The following IL6R variants were observed in gnomAD, a reference collection of about 807,000 sequenced individuals.
The protein encoded by IL6R is interleukin 6 receptor.
In IL6R, 38 loss-of-function variants were observed where a neutral mutation model predicts 48.3. The ratio of observed to expected loss-of-function variants is 0.79; its 90% confidence interval spans 0.61 to 1.03. IL6R has a LOEUF of 1.03. Among genes scored for constraint, IL6R ranks in the 50% least tolerant of loss-of-function variants. The pLI is 0.00. For synonymous variants in IL6R, 264 were observed against 256.2 expected, an observed-to-expected ratio of 1.03 and a Z score of -0.29; for missense variants, 534 against 618.3, an observed-to-expected ratio of 0.86 and a Z score of 1.45.
intron 8 of IL6R, among the ~76,000 whole-genome samples, chr1:154,452,861 C>T (rs539562282): frequency 1.6e-3 from 246 of 151,554 alleles, no homozygotes; most frequent in Non-Finnish European, 2.7e-3. Flanking sequence ...ATGTAAGATC[C>T]ATTTAGATAC....
intron 9 of IL6R, among the ~76,000 whole-genome samples, chr1:154,455,827 C>A (rs997990589): frequency 7.3e-5 from 11 of 151,138 alleles, no homozygotes; most frequent in Non-Finnish European, 1.3e-4. Flanking sequence ...GAGGCTGAGG[C>A]AGGTGGATCA....
chr1:154,429,475 G>T (rs377635182), intron 2 of IL6R, 31 bp downstream of exon 2: 3 of 1,588,034 alleles, frequency 1.9e-6, no homozygotes, highest in Non-Finnish European at 2.6e-6. Context: ...CCCGGAGATA[G>T]TTCCCGTAAG....
At chr1:154,434,292 C>G (rs1334928045) in intron 3 of IL6R, among the ~76,000 whole-genome samples, 1 of 152,086 alleles carries the variant, frequency 6.6e-6, no homozygotes, top group Non-Finnish European at 1.5e-5. Context: ...GCCTGGGTGA[C>G]ACAGTGAGAC....
In IL6R at chr1:154,418,232, T is replaced by C. The variant is rs142528994; in HGVS notation, c.86-10964T>C. 3.9e-3 allele frequency among the ~76,000 whole-genome samples: 598 copies of C among 152,328 alleles called. 3 individuals are homozygous for C. The highest frequency in any genetic ancestry group is 0.014 in the Middle Eastern group (4 of 294). On this transcript the variant is annotated intron_variant, in intron 1 of 9. Transcript: ENST00000368485. ...AGAGTTGACCCAGGTTGTACCTTCT[T>C]GGACTGGAGCCAGGTGGTTATCTCT...
At chr1:154,440,655 CTTT>C (rs35390021) in intron 6 of IL6R, among the ~76,000 whole-genome samples, 3 of 134,958 alleles carry the variant, frequency 2.2e-5, no homozygotes, top group African/African-American at 2.7e-5. Context: ...TGATTAATGT[CTTT>C]TTTTTTTTTT....
chr1:154,468,795 T>A lies in IL6R; in HGVS notation c.*3415T>A, dbSNP rs1691664466. ...GTTCAGGAATGTCTTCCCAGCTGCT[T>A]TGGTGCTGAGCTCTATTATCTCACA... On this transcript the variant is annotated 3_prime_UTR_variant, in exon 10 of 10. Transcript: ENST00000368485. 6.6e-6 allele frequency: 1 copy of A among 152,304 alleles called. No individual in the cohort carries two copies. The highest frequency in any genetic ancestry group is 6.5e-5 in the Admixed American group (1 of 15,290). 9.4% of individuals were successfully genotyped at this position (152,304 alleles called of 1,614,324 possible). A position where few individuals can be genotyped will look rare whatever the true frequency, so the allele number is the denominator to read the frequency against.
intron 6 of IL6R, among the ~76,000 whole-genome samples, chr1:154,436,722 G>A (rs1172032271): frequency 6.6e-6 from 1 of 152,214 alleles, no homozygotes; most frequent in South Asian, 2.1e-4. Context: ...AGGGCAGGCG[G>A]GTGGGGATCC....
chr1:154,444,577 A>G (rs1444273095), intron 6 of IL6R, among the ~76,000 whole-genome samples: 1 of 152,156 alleles, frequency 6.6e-6, no homozygotes, highest in East Asian at 1.9e-4. Flanking sequence ...AACTATTAGC[A>G]TTTACCATCA....
intron 8 of IL6R, 24 bp downstream of exon 8, chr1:154,450,004 T>A: frequency 6.9e-7 from 1 of 1,453,976 alleles, no homozygotes; most frequent in Non-Finnish European, 9.7e-7. Context: ...ATTTTCATAT[T>A]CCCAGGGTCC....
In IL6R at chr1:154,405,529, G is replaced by GCACC; in HGVS notation, c.-100_-99insACCC. On this transcript the variant is annotated 5_prime_UTR_variant, in exon 1 of 10. Coordinates refer to ENST00000368485, the MANE Select transcript of IL6R (RefSeq NM_000565.4). This position sits in a 1 kb window ranked among gnomAD's most constrained non-coding sequence, Gnocchi z 5.2. ...CTGCCCCCGGGGCCTGAGCCCGCCTGCCCGCCCACCGCCCCGCCCCGCCCC... is the reference window on the plus strand; with the variant it reads ...CTGCCCCCGGGGCCTGAGCCCGCCTGCACCCCCGCCCACCGCCCCGCCCCGCCCC... The GCACC allele has an allele frequency of 2.6e-6, 1 of 388,508 alleles. No individual in the cohort carries two copies. Among genetic ancestry groups the GCACC allele is most frequent in the South Asian group, 2.4e-5 (1 of 40,874 alleles). 24.1% of individuals were successfully genotyped at this position (388,508 alleles called of 1,614,324 possible).
At chr1:154,431,293 C>T (rs1402893540) in intron 3 of IL6R, among the ~76,000 whole-genome samples, 1 of 152,160 alleles carries the variant, frequency 6.6e-6, no homozygotes, top group Non-Finnish European at 1.5e-5. Context: ...TGCAGTTTTG[C>T]TGGTCTCCAT....
At chr1:154,457,888 G>A (rs1008582410) in intron 9 of IL6R, among the ~76,000 whole-genome samples, 2 of 152,134 alleles carry the variant, frequency 1.3e-5, no homozygotes, top group Admixed American at 1.3e-4. Flanking sequence ...AGTGTGGTGT[G>A]GGTTGAAAGA....
chr1:154,423,748 T>C (rs948987419), intron 1 of IL6R, among the ~76,000 whole-genome samples: 2 of 152,150 alleles, frequency 1.3e-5, no homozygotes, highest in Non-Finnish European at 1.5e-5. Flanking sequence ...TTTTAAAAAA[T>C]AGTGACTCAG....
chr1:154,445,707 G>A (rs978479141), intron 6 of IL6R, among the ~76,000 whole-genome samples: 3 of 149,282 alleles, frequency 2.0e-5, no homozygotes, highest in South Asian at 2.1e-4. Context: ...CTGAGTTTGC[G>A]CCACAGCACT....
intron 6 of IL6R, among the ~76,000 whole-genome samples, chr1:154,440,781 G>A (rs184374852): frequency 4.6e-5 from 7 of 150,950 alleles, no homozygotes; most frequent in East Asian, 2.0e-4. Flanking sequence ...TCAGCCTCCC[G>A]AGTAGTTGAG....
chr1:154,410,253 CTT>C (rs140751039), intron 1 of IL6R, among the ~76,000 whole-genome samples: 24 of 143,836 alleles, frequency 1.7e-4, no homozygotes, highest in Non-Finnish European at 1.5e-4. Context: ...AAGAAAAGGC[CTT>C]TTTTTTTTTT....
In IL6R at chr1:154,405,474, T is replaced by G; in HGVS notation, c.-156T>G. On this transcript the variant is annotated 5_prime_UTR_variant, in exon 1 of 10. Coordinates refer to ENST00000368485, the MANE Select transcript of IL6R (RefSeq NM_000565.4). This position sits in a 1 kb window ranked among gnomAD's most constrained non-coding sequence, Gnocchi z 5.2. ...GCGGGGCCGAGGGACTCGCAGTGTGTGTAGAGAGCCGGGCTCCTGCGGATG... is the reference window on the plus strand; with the variant it reads ...GCGGGGCCGAGGGACTCGCAGTGTGGGTAGAGAGCCGGGCTCCTGCGGATG... 1.6e-6 allele frequency: 1 copy of G among 638,614 alleles called. No homozygotes were observed. The allele number at this position is 638,614 out of a possible 1,614,324, so 39.6% of individuals were successfully genotyped here.
Position 154,456,447 on chromosome 1 carries a change from TC to T in IL6R, c.1160+1868del, listed in dbSNP as rs1571005407. On this transcript the variant is annotated intron_variant, in intron 9 of 9. Coordinates refer to ENST00000368485, the MANE Select transcript of IL6R (RefSeq NM_000565.4). The stretch of plus-strand genomic sequence containing the variant: ...GTCTTGATCTCCTGACCTCAGATGA[TC>T]CGCCCGCCTCCGCCTCCCAAAGTGC... 2.0e-5 allele frequency among the ~76,000 whole-genome samples: 3 copies of T among 152,228 alleles called. No homozygotes were observed. In the East Asian group the frequency reaches 5.8e-4, roughly 29 times the overall value.
chr1:154,432,685 C>T (rs1356899120), intron 3 of IL6R, among the ~76,000 whole-genome samples: 3 of 152,202 alleles, frequency 2.0e-5, no homozygotes, highest in Admixed American at 6.5e-5. Context: ...ATGTTGACAG[C>T]GGGAGTGGGA....
Sources: gnomAD v4.1 joint callset for allele counts (sites outside exome capture counted in the v4.1 genomes callset) on GRCh38, gnomAD v4.1.1 for gene constraint, Gnocchi (gnomAD v3.1) non-coding constraint, MANE v1.5 for transcripts, NCBI Gene and HGNC (gene_info 2026-07-23, HGNC 2026-07-21) for gene names.